The following CDH18 variants were observed in gnomAD, a reference collection of about 807,000 sequenced individuals.
The protein encoded by CDH18 is cadherin 18, also known as cadherin-18.
In CDH18, 31 loss-of-function variants were observed where a neutral mutation model predicts 67.9. That is an observed-to-expected ratio of 0.46 (90% confidence interval 0.34 to 0.62). The LOEUF is 0.62. CDH18 is among the 20% of genes least tolerant of loss of function. The pLI is 0.01. For missense variants in CDH18, 890 were observed against 975.5 expected, an observed-to-expected ratio of 0.91 and a Z score of 1.17; for synonymous variants, 362 against 347.2, an observed-to-expected ratio of 1.04 and a Z score of -0.48.
chr5:19,902,582 A>C (rs113505968), intron 2 of CDH18, among the ~76,000 whole-genome samples: 1 of 152,146 alleles, frequency 6.6e-6, no homozygotes, highest in Non-Finnish European at 1.5e-5. Flanking sequence ...AGGACAAGCA[A>C]CTCCAGCCAA....
chr5:19,716,161 A>G (rs16888255), intron 5 of CDH18, among the ~76,000 whole-genome samples: 14,394 of 151,964 alleles, frequency 0.095, 1,270 homozygotes, highest in East Asian at 0.25. Context: ...CTTGAGTCCT[A>G]TATTTTTCCA....
At chr5:19,602,705 T>C (rs1747336606) in intron 6 of CDH18, among the ~76,000 whole-genome samples, 1 of 152,120 alleles carries the variant, frequency 6.6e-6, no homozygotes, top group Non-Finnish European at 1.5e-5. Flanking sequence ...GGCTCATGCC[T>C]GTAATCCTAG....
In CDH18 at chr5:19,662,089, A is replaced by G. The variant is rs7718700; in HGVS notation, c.644-49488T>C. 5.1e-3 allele frequency among the ~76,000 whole-genome samples: 777 copies of G among 151,644 alleles called. 8 individuals are homozygous for G. The highest frequency in any genetic ancestry group is 0.018 in the African/African-American group (748 of 41,380). ...GCGTGGGTTCTGCTAAAACACAGCC[A>G]CCATGTGGCTTACCTTTTTCACTGA... On this transcript the variant is annotated intron_variant, in intron 5 of 12. Transcript: ENST00000382275.
intron 9 of CDH18, among the ~76,000 whole-genome samples, chr5:19,539,642 A>C (rs1264848398): frequency 5.0e-5 from 7 of 140,954 alleles, no homozygotes. Flanking sequence ...GAGGCCTCAC[A>C]GTCATGGCAG....
intron 1 of CDH18, among the ~76,000 whole-genome samples, chr5:20,264,230 A>G (rs1675507058): frequency 6.6e-6 from 1 of 152,070 alleles, no homozygotes; most frequent in Non-Finnish European, 1.5e-5. Context: ...TCTATGAAAC[A>G]GCGAATTTTG....
At chr5:20,300,303 C>CGTGT (rs67689740) in intron 1 of CDH18, among the ~76,000 whole-genome samples, 36,361 of 148,392 alleles carry the variant, frequency 0.25, 4,795 homozygotes, top group Non-Finnish European at 0.31. Context: ...TGTGTGTGTG[C>CGTGT]GTGTGTGTGT....
intron 2 of CDH18, among the ~76,000 whole-genome samples, chr5:19,934,845 T>G (rs1579672811): frequency 6.6e-6 from 1 of 151,518 alleles, no homozygotes; most frequent in East Asian, 1.9e-4. Flanking sequence ...AAGTGGCTAG[T>G]TATGGTCTTT....
At chr5:20,185,881 T>A (rs1392605409) in intron 2 of CDH18, among the ~76,000 whole-genome samples, 1 of 151,720 alleles carries the variant, frequency 6.6e-6, no homozygotes, top group African/African-American at 2.4e-5. Context: ...TTTTCCCGTG[T>A]GATGCATAGT....
intron 1 of CDH18, among the ~76,000 whole-genome samples, chr5:20,366,494 C>T (rs1742530057): frequency 6.6e-6 from 1 of 152,174 alleles, no homozygotes; most frequent in African/African-American, 2.4e-5. Context: ...ACATGTACTT[C>T]ACTCATTTAT....
intron 1 of CDH18, among the ~76,000 whole-genome samples, chr5:20,530,917 C>T (rs954501084): frequency 1.3e-5 from 2 of 152,002 alleles, no homozygotes; most frequent in African/African-American, 4.8e-5. Flanking sequence ...AGCTTCTGCA[C>T]AGCAAAAGAA....
chr5:19,645,855 T>A (rs115415159), intron 5 of CDH18, among the ~76,000 whole-genome samples: 1 of 152,120 alleles, frequency 6.6e-6, no homozygotes, highest in African/African-American at 2.4e-5. Flanking sequence ...GGTATACAGA[T>A]ACATTTACTT....
chr5:20,405,874 C>T lies in CDH18; in HGVS notation c.-579-150369G>A, dbSNP rs574311929. ...TCATCAGAGAAATGCAAATCAAAACCATAATGAGATACCATCTCACACCAG... is the reference window on the plus strand; with the variant it reads ...TCATCAGAGAAATGCAAATCAAAACTATAATGAGATACCATCTCACACCAG... On this transcript the variant is annotated intron_variant, in intron 1 of 14. Coordinates refer to the CDH18 transcript ENST00000507958. Among the ~76,000 whole-genome samples, 5 of 152,224 alleles carry T rather than the reference C, an allele frequency of 3.3e-5. No individual in the cohort carries two copies. The South Asian group carries it at 1.0e-3, about 32-fold the overall frequency.
chr5:19,787,745 T>C (rs1405362358), intron 3 of CDH18, among the ~76,000 whole-genome samples: 2 of 150,456 alleles, frequency 1.3e-5, no homozygotes, highest in Non-Finnish European at 3.0e-5. Flanking sequence ...CAAGATAGAA[T>C]TTAAAAAAAT....
intron 2 of CDH18, among the ~76,000 whole-genome samples, chr5:19,864,731 T>G (rs1258169101): frequency 6.6e-6 from 1 of 152,236 alleles, no homozygotes; most frequent in African/African-American, 2.4e-5. Flanking sequence ...TTCTGGCTCC[T>G]GTAAGGCAAC....
intron 1 of CDH18, among the ~76,000 whole-genome samples, chr5:20,317,110 T>G (rs1032713120): frequency 2.0e-5 from 3 of 152,080 alleles, no homozygotes; most frequent in South Asian, 4.1e-4. Flanking sequence ...CAAGATGTAC[T>G]ATTATAAATC....
chr5:20,383,467 G>T (rs1015462759), intron 1 of CDH18, among the ~76,000 whole-genome samples: 5 of 152,156 alleles, frequency 3.3e-5, no homozygotes, highest in African/African-American at 1.2e-4. Context: ...AATTGCTAAA[G>T]AGATCCTTTG....
At chr5:20,008,236 A>G (rs547679447) in intron 2 of CDH18, among the ~76,000 whole-genome samples, 2 of 152,282 alleles carry the variant, frequency 1.3e-5, no homozygotes, top group East Asian at 3.9e-4. Context: ...GAGAATATAA[A>G]AAAAACATAT....
intron 8 of CDH18, among the ~76,000 whole-genome samples, chr5:19,550,635 T>G (rs1457625601): frequency 6.6e-6 from 1 of 152,240 alleles, no homozygotes. Flanking sequence ...GGAGTATATG[T>G]GCCACATTTT....
intron 2 of CDH18, among the ~76,000 whole-genome samples, chr5:20,104,033 G>A (rs1223387946): frequency 6.6e-6 from 1 of 150,756 alleles, no homozygotes; most frequent in African/African-American, 2.4e-5. Context: ...GTATCATTAT[G>A]AATATGACTA....
Sources: allele counts gnomAD v4.1 joint callset (sites outside exome capture counted in the v4.1 genomes callset), GRCh38; gene constraint gnomAD v4.1.1; transcripts MANE v1.5; gene names NCBI Gene and HGNC (gene_info 2026-07-23, HGNC 2026-07-21).